LTBP2: variants seen among roughly 807,000 people sequenced by gnomAD.
LTBP2 encodes the protein latent transforming growth factor beta binding protein 2, also known as latent-transforming growth factor beta-binding protein 2.
LTBP2 carries 103 observed loss-of-function variants against 210.6 expected under a neutral mutation model. The observed-to-expected ratio is 0.49, with a 90% confidence interval of 0.42 to 0.58. The LOEUF (loss-of-function observed/expected upper bound fraction) is 0.58. Among genes scored for constraint, LTBP2 ranks in the 20% least tolerant of loss-of-function variants. The pLI, the probability that LTBP2 is intolerant of heterozygous loss-of-function variation, is 0.00. For synonymous variants in LTBP2, 1,007 were observed against 1,015.0 expected (o/e 0.99, Z 0.15); for missense variants, 2,313 against 2,494.5 (o/e 0.93, Z 1.55).
In LTBP2 at chr14:74,540,889, A is replaced by T. The variant is rs1343140158; in HGVS notation, c.1790-4889T>A. Among the ~76,000 whole-genome samples, 4 of 105,636 alleles carry T rather than the reference A, an allele frequency of 3.8e-5. No individual in the cohort carries two copies. The East Asian group carries it at 8.9e-4, about 23-fold the overall frequency. The allele number at this position is 105,636 out of a possible 152,430, so 69.3% of individuals were successfully genotyped here. On this transcript the variant is annotated intron_variant, in intron 8 of 35. Coordinates refer to ENST00000261978, the MANE Select transcript of LTBP2 (RefSeq NM_000428.3). ...TATTTATATATATAATATATATATT[A>T]TATATTAAAAATATATATATTTAAA...
chr14:74,507,300 C>T lies in LTBP2; in HGVS notation c.3786G>A (p.Glu1262=). ...PESGECVDID[E]CEDYGDPVCG... ...ACACCGGGTCTCCATAGTCCTCACACTCGTCAATATCTGTCCCCAGAGCCA... is the reference window on the plus strand; with the variant it reads ...ACACCGGGTCTCCATAGTCCTCACATTCGTCAATATCTGTCCCCAGAGCCA... Residue 1262 remains glutamate (E), a synonymous_variant, in exon 26 of 36, where the codon GAG becomes GAA. Transcript: ENST00000261978. 6.2e-7 allele frequency: 1 copy of T among 1,614,090 alleles called. No homozygotes were observed. The highest frequency in any genetic ancestry group is 8.5e-7 in the Non-Finnish European group (1 of 1,179,968).
At chr14:74,514,978 T>C (rs1157016342) in intron 18 of LTBP2, among the ~76,000 whole-genome samples, 4 of 152,108 alleles carry the variant, frequency 2.6e-5, no homozygotes, top group African/African-American at 7.2e-5. Context: ...GTCTAGAACC[T>C]TTCCTTGGGA....
At chr14:74,595,275 G>A (rs1009148086) in intron 2 of LTBP2, among the ~76,000 whole-genome samples, 4 of 152,158 alleles carry the variant, frequency 2.6e-5, no homozygotes, top group African/African-American at 9.7e-5. Context: ...CTGGGGAGCC[G>A]CGGGGCCAGG....
intron 3 of LTBP2, among the ~76,000 whole-genome samples, chr14:74,559,374 C>G (rs1363469881): frequency 6.6e-6 from 1 of 152,152 alleles, no homozygotes; most frequent in African/African-American, 2.4e-5. Context: ...AATAAAAAAG[C>G]CCTGCATTCT....
chr14:74,502,713 T>C lies in LTBP2; in HGVS notation c.5110A>G (p.Ile1704Val), dbSNP rs1447451929. 6.2e-7 allele frequency: 1 copy of C among 1,613,812 alleles called. No individual in the cohort carries two copies. The highest frequency in any genetic ancestry group is 1.7e-5 in the Admixed American group (1 of 59,994). The change falls in exon 34 of 36, where the codon ATC (isoleucine) becomes GTC (valine). Residue 1704 changes from isoleucine to valine, a missense_variant. Transcript: ENST00000261978. ...TAGHSADRTPILESPLQPSEL... is the reference protein window; with the variant it reads ...TAGHSADRTPVLESPLQPSEL... ...GAGGGCTGCAAAGGAGACTCAAGGA[T>C]GGGTGTGCGGTCCGCTGAGTGACCG...
chr14:74,537,404 C>G (rs565584259), intron 8 of LTBP2, among the ~76,000 whole-genome samples: 1 of 152,218 alleles, frequency 6.6e-6, no homozygotes, highest in Non-Finnish European at 1.5e-5. Flanking sequence ...TAAGCAGGCA[C>G]GAGCAATTGC....
chr14:74,576,149 G>A (rs1184512849), intron 3 of LTBP2, among the ~76,000 whole-genome samples: 1 of 152,222 alleles, frequency 6.6e-6, no homozygotes, highest in African/African-American at 2.4e-5. Flanking sequence ...ACAGGGTGAG[G>A]AAGCACCACC....
intron 14 of LTBP2, 69 bp downstream of exon 14, chr14:74,526,006 C>T: frequency 6.7e-7 from 1 of 1,484,626 alleles, no homozygotes; most frequent in South Asian, 1.2e-5. Context: ...CATAGTAACT[C>T]CACTCCTGAT....
chr14:74,586,530 G>A lies in LTBP2; in HGVS notation c.566-412C>T, dbSNP rs2088207677. Among the ~76,000 whole-genome samples the A allele has an allele frequency of 1.3e-5, 2 of 152,190 alleles. No homozygotes were observed. The highest frequency in any genetic ancestry group is 1.3e-4 in the Admixed American group (2 of 15,286). Reference sequence around the variant, plus strand: ...ACAGAGTAGATTCTCAGTAAACATGGAGCGAATGGATGAATGAATCAGTCT... The same window carrying A: ...ACAGAGTAGATTCTCAGTAAACATGAAGCGAATGGATGAATGAATCAGTCT... On this transcript the variant is annotated intron_variant, in intron 2 of 35. Coordinates refer to ENST00000261978, the MANE Select transcript of LTBP2 (RefSeq NM_000428.3). This position sits in a 1 kb window ranked among gnomAD's most constrained non-coding sequence, Gnocchi z 4.6.
chr14:74,515,381 C>A (rs1458811622), intron 18 of LTBP2, among the ~76,000 whole-genome samples: 1 of 151,424 alleles, frequency 6.6e-6, no homozygotes, highest in African/African-American at 2.4e-5. Flanking sequence ...CTCAGCCTCG[C>A]AAGTAGGTAG....
Position 74,500,087 on chromosome 14 carries a change from T to C in LTBP2, c.*797A>G, listed in dbSNP as rs1213484701. ...TGTATCCCATGGCAGCCCTTGCTGC[T>C]GGTGCCCACAGGCTATCACTGGGCG... On this transcript the variant is annotated 3_prime_UTR_variant, in exon 36 of 36. Coordinates refer to ENST00000261978, the MANE Select transcript of LTBP2 (RefSeq NM_000428.3). The C allele has an allele frequency of 1.3e-5, 3 of 233,254 alleles. No individual in the cohort carries two copies. The highest frequency in any genetic ancestry group is 6.1e-5 in the East Asian group (1 of 16,516). 14.4% of individuals were successfully genotyped at this position (233,254 alleles called of 1,614,324 possible).
At chr14:74,593,479 T>C (rs567538014) in intron 2 of LTBP2, among the ~76,000 whole-genome samples, 1 of 152,298 alleles carries the variant, frequency 6.6e-6, no homozygotes, top group East Asian at 1.9e-4. Context: ...GGGCTGATAA[T>C]TCTTGCTTCA....
intron 2 of LTBP2, among the ~76,000 whole-genome samples, chr14:74,592,331 T>C (rs2088293874): frequency 6.6e-6 from 1 of 152,164 alleles, no homozygotes; most frequent in Non-Finnish European, 1.5e-5. Context: ...CGAGTCTTCA[T>C]GTTTTGCCCT....
In LTBP2 at chr14:74,521,975, G is replaced by C; in HGVS notation, c.2724C>G (p.Ser908=). 6.2e-7 allele frequency: 1 copy of C among 1,614,200 alleles called. No homozygotes were observed. The highest frequency in any genetic ancestry group is 2.2e-5 in the East Asian group (1 of 44,880). Residue 908 remains serine, a synonymous_variant, in exon 17 of 36, where the codon TCC becomes TCG. Transcript: ENST00000261978. ...AGCCAGGGTAGCAGAAGCAGGAGTAGGACCCCACGCGGTTGATGCAGCGCC... is the reference window on the plus strand; with the variant it reads ...AGCCAGGGTAGCAGAAGCAGGAGTACGACCCCACGCGGTTGATGCAGCGCC... ...GKGRCINRVG[S]YSCFCYPGYT...
chr14:74,578,342 A>AAG (rs772340355), intron 3 of LTBP2, among the ~76,000 whole-genome samples: 26 of 152,234 alleles, frequency 1.7e-4, no homozygotes, highest in Non-Finnish European at 2.9e-4. Flanking sequence ...TTATTTCAGT[A>AAG]AATTCTCCCA....
rs746480112 is a variant in LTBP2 at position 74,506,761 on chromosome 14, C to T, written c.3970G>A (p.Gly1324Ser). Reference protein sequence around the residue: ...GSHGFCDNTDGSFRCLCDQGF... With the variant: ...GSHGFCDNTDSSFRCLCDQGF... ...TGGTCACAGAGGCAGCGGAAGGAGC[C>T]ATCAGTGTTGTCACAGAAGCCGTGG... The change falls in exon 27 of 36, where the codon GGC (glycine) becomes AGC (serine). Residue 1324 changes from glycine to serine, a missense_variant. Around this residue, in one of 3 missense-constraint regions of LTBP2, gnomAD observed 1,867 missense variants for 1,976.9 expected, o/e 0.94. Transcript: ENST00000261978. 6.2e-6 allele frequency: 10 copies of T among 1,614,046 alleles called. No homozygotes were observed. In the South Asian group the frequency reaches 1.1e-4, roughly 18 times the overall value.
rs58212834 is a variant in LTBP2 at position 74,556,047 on chromosome 14, C to T, written c.831-354G>A. Among the ~76,000 whole-genome samples the T allele has an allele frequency of 2.6e-3, 390 of 152,282 alleles. 2 individuals are homozygous for T. The highest frequency in any genetic ancestry group is 8.5e-3 in the African/African-American group (353 of 41,546). On this transcript the variant is annotated intron_variant, in intron 3 of 35. Coordinates refer to ENST00000261978, the MANE Select transcript of LTBP2 (RefSeq NM_000428.3). ...GACATTCCAGAAGTCTTTGAGAACC[C>T]ACTATGGACCAGCCCCTGCCCTAAA...
In LTBP2 at chr14:74,504,851, G is replaced by A. The variant is rs372403341; in HGVS notation, c.4380C>T (p.Ser1460=). Residue 1460 remains serine (S), a synonymous_variant, in exon 30 of 36, where the codon AGC becomes AGT. Coordinates refer to ENST00000261978, the MANE Select transcript of LTBP2 (RefSeq NM_000428.3). ...LCPSEDSAEF[S]EICPSGKGYI... is the part of the protein sequence containing the mutation. ...AGCCTTTTCCACTAGGGCAGATCTC[G>A]CTGAATTCAGCTATGTAGAGAGGCG... is the stretch of plus-strand genomic sequence containing the variant. The A allele has an allele frequency of 4.2e-5, 67 of 1,614,098 alleles. No homozygotes were observed. Among genetic ancestry groups the A allele is most frequent in the South Asian group, 2.4e-4 (22 of 91,092 alleles).
chr14:74,501,500 C>A lies in LTBP2; in HGVS notation c.5261G>T (p.Gly1754Val). ...GCCCTCAAAACAGTCACAGGTGTAG[C>A]CCTCCCGCACGCGCACACAGCGGCC... ...ENGRCVRVRE[G>V]YTCDCFEGFQ... Residue 1754 changes from glycine to valine, a missense_variant, in exon 35 of 36, where the codon GGC becomes GTC. Gly to Val is a moderately radical substitution (Grantham distance 109). Around this residue, in one of 3 missense-constraint regions of LTBP2, gnomAD observed 443 missense variants for 501.4 expected, o/e 0.88. Transcript: ENST00000261978. 1 of 1,614,166 alleles carries A rather than the reference C, an allele frequency of 6.2e-7. No homozygotes were observed. Among genetic ancestry groups the A allele is most frequent in the Non-Finnish European group, 8.5e-7 (1 of 1,180,024 alleles).
Sources: gnomAD v4.1 joint callset for allele counts (sites outside exome capture counted in the v4.1 genomes callset) on GRCh38, gnomAD v4.1.1 for gene constraint, gnomAD v4.1.1 regional missense constraint, Gnocchi (gnomAD v3.1) non-coding constraint, MANE v1.5 for transcripts, NCBI Gene and HGNC (gene_info 2026-07-23, HGNC 2026-07-21) for gene names.